The following MX2 variants were observed in gnomAD, a reference collection of about 807,000 sequenced individuals.
MX2 encodes interferon-induced GTP-binding protein Mx2.
In MX2, 51 loss-of-function variants were observed where a neutral mutation model predicts 74.0. The observed-to-expected ratio is 0.69, with a 90% confidence interval of 0.55 to 0.87. MX2 has a LOEUF of 0.87. MX2 is among the 40% of genes least tolerant of loss of function. MX2 has a pLI of 0.00. For missense variants in MX2, 832 were observed against 908.7 expected (o/e 0.92, Z 1.09); for synonymous variants, 369 against 339.3 (o/e 1.09, Z -0.96).
chr21:41,373,837 G>A (rs2089359205), intron 1 of MX2: 1 of 143,956 alleles, frequency 6.9e-6, no homozygotes, highest in Non-Finnish European at 1.5e-5. Context: ...GCCAGACAGA[G>A]ACAGGCAGGT....
intron 5 of MX2, among the ~76,000 whole-genome samples, chr21:41,384,971 A>G (rs1052111103): frequency 1.3e-5 from 2 of 152,248 alleles, no homozygotes; most frequent in Non-Finnish European, 2.9e-5. Context: ...ATAGAACAGG[A>G]AGAATAAATG....
rs78704031 is a variant in MX2 at position 41,379,955 on chromosome 21, G to C, written c.443-62G>C. On this transcript the variant is annotated intron_variant, in intron 3 of 13. Coordinates refer to ENST00000330714, the MANE Select transcript of MX2 (RefSeq NM_002463.2). ...GGACAGCAGGGCAGGTTCTGGGAGCGAAGGGCCCAGTGCCACTTCTTTAAA... is the reference window on the plus strand; with the variant it reads ...GGACAGCAGGGCAGGTTCTGGGAGCCAAGGGCCCAGTGCCACTTCTTTAAA... 1,085 of 1,592,244 alleles carry C rather than the reference G, an allele frequency of 6.8e-4. 7 individuals carry two copies. In the African/African-American group the frequency reaches 0.012, roughly 18 times the overall value.
intron 6 of MX2, among the ~76,000 whole-genome samples, chr21:41,394,479 C>T (rs79995844): frequency 0.011 from 1,704 of 152,284 alleles, 28 homozygotes; most frequent in African/African-American, 0.038. Context: ...CCGCTGCCCA[C>T]GGTCATTTGC....
At chr21:41,389,196 TC>T (rs2089622648) in intron 5 of MX2, among the ~76,000 whole-genome samples, 1 of 143,316 alleles carries the variant, frequency 7.0e-6, no homozygotes. Context: ...GAAAATAAAG[TC>T]AAAAAAAAAA....
intron 5 of MX2, 57 bp from the exon 6 acceptor site, chr21:41,390,508 G>T: frequency 6.2e-7 from 1 of 1,607,994 alleles, no homozygotes; most frequent in Non-Finnish European, 8.5e-7. Context: ...TGGCCGTGCT[G>T]CTGAGTGACC....
chr21:41,393,110 C>CAAAAAAAAAAAAAAAAAAAGAAAAAAAGA (rs2089683251), intron 6 of MX2, among the ~76,000 whole-genome samples: 1 of 60,086 alleles, frequency 1.7e-5, no homozygotes, highest in African/African-American at 5.0e-5. Flanking sequence ...CTCAAAAAAG[C>CAAAAAAAAAAAAAAAAAAAGAAAAAAAGA]AAAAAAAAAA....
In MX2 at chr21:41,377,009, C is replaced by T; in HGVS notation, c.103C>T (p.Pro35Ser). The part of the protein sequence containing the change: ...EMNSFQQQPP[P>S]FGTVPPQMMF... Reference sequence around the variant, plus strand: ...GAATTCCTTCCAGCAACAGCCACCGCCATTCGGCACAGTGCCACCACAAAT... The same window carrying T: ...GAATTCCTTCCAGCAACAGCCACCGTCATTCGGCACAGTGCCACCACAAAT... The change falls in exon 2 of 14, where the codon CCA becomes TCA. Residue 35 changes from proline (P) to serine (S), a missense_variant. Transcript: ENST00000330714. The T allele has an allele frequency of 6.2e-7, 1 of 1,614,216 alleles. No homozygotes were observed.
intron 1 of MX2, among the ~76,000 whole-genome samples, chr21:41,374,437 G>A (rs1372694566): frequency 1.3e-5 from 2 of 152,248 alleles, no homozygotes; most frequent in Admixed American, 6.5e-5. Context: ...TTGGGATCCC[G>A]GGCGGCAGGA....
chr21:41,405,346 G>A (rs2089871130), intron 12 of MX2, among the ~76,000 whole-genome samples: 1 of 152,144 alleles, frequency 6.6e-6, no homozygotes, highest in African/African-American at 2.4e-5. Flanking sequence ...CCACAGACTG[G>A]ATGTGTCTTA....
At chr21:41,371,090 C>T (rs562444528) in intron 1 of MX2, among the ~76,000 whole-genome samples, 1 of 152,278 alleles carries the variant, frequency 6.6e-6, no homozygotes, top group African/African-American at 2.4e-5. Flanking sequence ...AAATCTGATC[C>T]TGAAAAAGAG....
In MX2 at chr21:41,408,967, G is replaced by A. The variant is rs575855465; in HGVS notation, c.*734G>A. 2.0e-5 allele frequency: 3 copies of A among 152,302 alleles called. No individual in the cohort carries two copies. Among genetic ancestry groups the A allele is most frequent in the Non-Finnish European group, 4.4e-5 (3 of 68,094 alleles). 9.4% of individuals were successfully genotyped at this position (152,302 alleles called of 1,614,324 possible). On this transcript the variant is annotated 3_prime_UTR_variant, in exon 14 of 14. Transcript: ENST00000330714. ...TAGCCAGGTTCAGTGACTCATACCT[G>A]TAATCCCAGTGACTCTGGAGACTGA...
At chr21:41,405,449 C>G (rs896042998) in intron 12 of MX2, among the ~76,000 whole-genome samples, 17 of 151,988 alleles carry the variant, frequency 1.1e-4, no homozygotes, top group African/African-American at 4.1e-4. Context: ...GGCTCTCTTT[C>G]AGGTTGCGGA....
At chr21:41,403,216 G>A in intron 11 of MX2, 51 bp from the exon 12 acceptor site, 1 of 1,416,080 alleles carries the variant, frequency 7.1e-7, no homozygotes, top group South Asian at 1.2e-5. Context: ...ATTTCTGCTT[G>A]CATTTTACTG....
At chr21:41,365,636 C>T (rs2145849556) in intron 1 of MX2, 1 of 152,240 alleles carries the variant, frequency 6.6e-6, no homozygotes. Context: ...CCATTGATGG[C>T]CATTTAGGTT....
Position 41,380,143 on chromosome 21 carries a change from T to TA in MX2, c.570dup (p.His191ThrfsTer17), listed in dbSNP as rs1568936875. On this transcript the variant is annotated frameshift_variant, in exon 4 of 14. Transcript: ENST00000330714. LOFTEE classifies it high-confidence loss of function. The surrounding 1 kb of genome is among the most constrained non-coding windows in gnomAD (Gnocchi z 4.3). ...GACCCTGGCCAGGTGGAGAAAGAGA[T>TA]ACACAAAGGTGGGCCCACGTCATTC... 1.2e-6 allele frequency: 2 copies of TA among 1,613,756 alleles called. No homozygotes were observed. Among genetic ancestry groups the TA allele is most frequent in the Admixed American group, 3.3e-5 (2 of 59,994 alleles).
Position 41,377,116 on chromosome 21 carries a change from T to C in MX2, c.210T>C (p.Asn70=), listed in dbSNP as rs568811022. 4 of 1,614,090 alleles carry C rather than the reference T, an allele frequency of 2.5e-6. No individual in the cohort carries two copies. The East Asian group carries it at 6.7e-5, about 27-fold the overall frequency. ...AKDFNFLTLN[N]QPPPGNRSQP... The stretch of plus-strand genomic sequence containing the variant: ...ACTTCAACTTTCTCACTTTGAACAA[T>C]CAGCCACCACCAGGAAACAGGAGCC... Residue 70 remains asparagine (N), a synonymous_variant, in exon 2 of 14, where the codon AAT becomes AAC. Transcript: ENST00000330714.
At chr21:41,390,829 C>T in intron 6 of MX2, 126 bp downstream of exon 6, 2 of 1,058,186 alleles carry the variant, frequency 1.9e-6, no homozygotes, top group Non-Finnish European at 2.7e-6. Context: ...TCCGGTGAAA[C>T]CTCGTCTCCA....
chr21:41,409,209 G>A lies in MX2; in HGVS notation c.*976G>A, dbSNP rs1831769383. 1.3e-5 allele frequency: 2 copies of A among 149,520 alleles called. No homozygotes were observed. Among genetic ancestry groups the A allele is most frequent in the Non-Finnish European group, 3.0e-5 (2 of 67,662 alleles). The allele number at this position is 149,520 out of a possible 1,614,324, so 9.3% of individuals were successfully genotyped here. On this transcript the variant is annotated 3_prime_UTR_variant, in exon 14 of 14. Transcript: ENST00000330714. ...ACCATGTACTACAGCCTGGGTGACA[G>A]AGTGAGAGTGAGACTCTGTCTCTGA... is the stretch of plus-strand genomic sequence containing the variant.
Position 41,380,330 on chromosome 21 carries a change from G to A in MX2, c.577+179G>A, listed in dbSNP as rs1214988186. Among the ~76,000 whole-genome samples, 2 of 151,994 alleles carry A rather than the reference G, an allele frequency of 1.3e-5. No homozygotes were observed. On this transcript the variant is annotated intron_variant, in intron 4 of 13. Transcript: ENST00000330714. This position sits in a 1 kb window ranked among gnomAD's most constrained non-coding sequence, Gnocchi z 4.3. ...ACCATCCCTCCAGGTCCTTGTCCAG[G>A]TCCCCTCTCATCGAGTCATCCCATG...
Sources: allele counts gnomAD v4.1 joint callset (sites outside exome capture counted in the v4.1 genomes callset), GRCh38; gene constraint gnomAD v4.1.1; non-coding constraint Gnocchi (gnomAD v3.1); transcripts MANE v1.5; gene names NCBI Gene and HGNC (gene_info 2026-07-23, HGNC 2026-07-21).